The following ARHGAP29 variants were observed in gnomAD, a reference collection of about 807,000 sequenced individuals.
The protein encoded by ARHGAP29 is rho GTPase-activating protein 29.
ARHGAP29 carries 43 observed loss-of-function variants against 122.6 expected under a neutral mutation model. The ratio of observed to expected loss-of-function variants is 0.35; its 90% CI spans 0.27 to 0.45. ARHGAP29 has a LOEUF of 0.45. Among genes scored for constraint, ARHGAP29 ranks in the 20% least tolerant of loss-of-function variants. The pLI is 1.00. For synonymous variants in ARHGAP29, 506 were observed against 497.1 expected, an observed-to-expected ratio of 1.02 and a Z score of -0.24; for missense variants, 1,303 against 1,477.2, an observed-to-expected ratio of 0.88 and a Z score of 1.93.
the ARHGAP29 span, among the ~76,000 whole-genome samples, chr1:94,312,367 T>A: frequency 4.0e-5 from 6 of 150,904 alleles, no homozygotes; most frequent in African/African-American, 1.5e-4. Flanking sequence ...TTTTTTTTTT[T>A]TTTTTTTGAG....
In ARHGAP29 at chr1:94,220,355, T is replaced by A. The variant is rs769431878; in HGVS notation, c.243A>T (p.Glu81Asp). ...TTATAGACTTTAAAACACGGAGCAG[T>A]TCCTCTAGACGTATATGAATAACTT... is the stretch of plus-strand genomic sequence containing the variant. ...FKEVIHIRLEELLRVLKSIMN... is the reference protein window; with the variant it reads ...FKEVIHIRLEDLLRVLKSIMN... The change falls in exon 3 of 23, where the codon GAA becomes GAT. Residue 81 changes from glutamate to aspartate, a missense_variant. This residue lies in a region of ARHGAP29 where 592 missense variants were observed against 648.2 expected (regional missense o/e 0.91). Transcript: ENST00000260526. The A allele has an allele frequency of 2.5e-6, 4 of 1,610,190 alleles. No individual in the cohort carries two copies. The African/African-American group carries it at 4.0e-5, about 16-fold the overall frequency.
chr1:94,292,885 G>A, the ARHGAP29 span, among the ~76,000 whole-genome samples: 1 of 152,208 alleles, frequency 6.6e-6, no homozygotes, highest in Non-Finnish European at 1.5e-5. Context: ...CCTACTGGGA[G>A]GTGTCTCCCA....
At position 94,174,504 on chromosome 1, in the gene ARHGAP29, G is replaced by A. The variant is rs772591803; in HGVS notation, c.3151C>T (p.Pro1051Ser). The change falls in exon 23 of 23, where the codon CCT becomes TCT. Residue 1051 changes from proline (P) to serine (S), a missense_variant. By Grantham distance (74) the Pro-to-Ser change is moderately conservative (BLOSUM62 -1). This residue lies in a region of ARHGAP29 where 620 missense variants were observed against 651.2 expected (regional missense o/e 0.95). Coordinates refer to ENST00000260526, the MANE Select transcript of ARHGAP29 (RefSeq NM_004815.4). ...TTTCTATTAACTCCTTCAAAGGCAG[G>A]ATTCTTGCAAAACTTGTCTAAATTT... ...NVNLDKFCKN[P>S]AFEGVNRKDA... 6.2e-7 allele frequency: 1 copy of A among 1,614,152 alleles called. No individual in the cohort carries two copies. The highest frequency in any genetic ancestry group is 1.3e-5 in the African/African-American group (1 of 75,034).
intron 20 of ARHGAP29, among the ~76,000 whole-genome samples, chr1:94,178,702 G>A (rs559695884): frequency 6.6e-6 from 1 of 152,254 alleles, no homozygotes; most frequent in South Asian, 2.1e-4. Flanking sequence ...ATATCTAAAA[G>A]GCAAATCTGA....
intron 15 of ARHGAP29, among the ~76,000 whole-genome samples, chr1:94,187,080 T>C (rs941689446): frequency 6.6e-6 from 1 of 152,232 alleles, no homozygotes; most frequent in African/African-American, 2.4e-5. Context: ...TTTATGTTAC[T>C]GGCAAGACTG....
intron 1 of ARHGAP29, among the ~76,000 whole-genome samples, chr1:94,247,198 G>T (rs1653838749): frequency 6.6e-6 from 1 of 152,144 alleles, no homozygotes; most frequent in Non-Finnish European, 1.5e-5. Flanking sequence ...GAGACCCGGT[G>T]AAGAAAACCA....
chr1:94,286,962 A>G, the ARHGAP29 span, among the ~76,000 whole-genome samples: 3 of 152,084 alleles, frequency 2.0e-5, no homozygotes, highest in African/African-American at 7.2e-5. Context: ...TAGCATTACG[A>G]CACTATCAAC....
rs915174947 is a variant in ARHGAP29 at position 94,174,614 on chromosome 1, T to G, written c.3041A>C (p.Lys1014Thr). 6.2e-7 allele frequency: 1 copy of G among 1,614,136 alleles called. No individual in the cohort carries two copies. Among genetic ancestry groups the G allele is most frequent in the Non-Finnish European group, 8.5e-7 (1 of 1,180,028 alleles). ...NNVERHTPRT[K>T]IRPVSLPVDR... Reference sequence around the variant, plus strand: ...TACAGGCAAACTTACAGGTCTAATCTTGGTCCTTGGAGTATGCCTCTCCAC... The same window carrying G: ...TACAGGCAAACTTACAGGTCTAATCGTGGTCCTTGGAGTATGCCTCTCCAC... Residue 1014 changes from lysine (K) to threonine (T), a missense_variant, in exon 23 of 23, where the codon AAG (lysine) becomes ACG (threonine). Coordinates refer to ENST00000260526, the MANE Select transcript of ARHGAP29 (RefSeq NM_004815.4).
the ARHGAP29 span, among the ~76,000 whole-genome samples, chr1:94,310,138 T>G: frequency 6.6e-6 from 1 of 152,158 alleles, no homozygotes; most frequent in Non-Finnish European, 1.5e-5. Context: ...TCGGTACACA[T>G]GAGGTCCCCA....
intron 12 of ARHGAP29, chr1:94,195,759 C>T (rs1650414059): frequency 6.6e-6 from 1 of 151,574 alleles, no homozygotes; most frequent in Non-Finnish European, 1.5e-5. Context: ...CTCTATAATG[C>T]TATATAAGAA....
At chr1:94,279,206 G>C (rs1327906719), upstream of ARHGAP29, among the ~76,000 whole-genome samples, 4 of 152,160 alleles carry the variant, frequency 2.6e-5, no homozygotes, top group Non-Finnish European at 4.4e-5. Flanking sequence ...AGATCCTCCA[G>C]ATGGTTAATC....
chr1:94,260,224 C>G (rs531623334), intron 1 of ARHGAP29, among the ~76,000 whole-genome samples: 1 of 152,316 alleles, frequency 6.6e-6, no homozygotes, highest in East Asian at 1.9e-4. Flanking sequence ...TTTGCCCTGT[C>G]TATCTGAGGG....
At chr1:94,256,140 G>A (rs1223729809) in intron 1 of ARHGAP29, among the ~76,000 whole-genome samples, 1 of 152,130 alleles carries the variant, frequency 6.6e-6, no homozygotes. Context: ...AGAAGAGATT[G>A]AACTCAAAGC....
chr1:94,269,653 A>C (rs1328634364), intron 1 of ARHGAP29, among the ~76,000 whole-genome samples: 1 of 152,220 alleles, frequency 6.6e-6, no homozygotes, highest in East Asian at 1.9e-4. Context: ...CTCATAATTG[A>C]AGTAATGCAA....
chr1:94,199,088 T>A (rs1356072888), intron 12 of ARHGAP29, among the ~76,000 whole-genome samples: 9 of 151,912 alleles, frequency 5.9e-5, no homozygotes, highest in Admixed American at 5.9e-4. Context: ...CCGGGGCCTG[T>A]CGGGGGGCTG....
intron 1 of ARHGAP29, among the ~76,000 whole-genome samples, chr1:94,251,911 A>G (rs1286332019): frequency 1.3e-5 from 2 of 152,166 alleles, no homozygotes; most frequent in Non-Finnish European, 2.9e-5. Flanking sequence ...AGATTTTTTA[A>G]ATGTCCCCTT....
intron 5 of ARHGAP29, among the ~76,000 whole-genome samples, chr1:94,206,667 C>T (rs370962579): frequency 1.3e-5 from 2 of 152,088 alleles, no homozygotes; most frequent in Admixed American, 6.6e-5. Flanking sequence ...GAGACTGAGG[C>T]GGACGGATCA....
At position 94,208,902 on chromosome 1, in the gene ARHGAP29, AGG is replaced by A; in HGVS notation, c.438_439del (p.Leu147TyrfsTer11). 6.2e-7 allele frequency: 1 copy of A among 1,613,538 alleles called. No homozygotes were observed. The highest frequency in any genetic ancestry group is 8.5e-7 in the Non-Finnish European group (1 of 1,179,510). On this transcript the variant is annotated frameshift_variant and splice_region_variant, in exon 5 of 23. Transcript: ENST00000260526. LOFTEE classifies it high-confidence loss of function. Reference sequence around the variant, plus strand: ...TACATCTCCCATAAGGAAGTTTGTAAGGCTATCCAAGGAGGTTAAAAAAAGAA... The same window carrying A: ...TACATCTCCCATAAGGAAGTTTGTAACTATCCAAGGAGGTTAAAAAAAGAA...
At chr1:94,230,583 T>C (rs55961421) in intron 2 of ARHGAP29, among the ~76,000 whole-genome samples, 13,902 of 151,696 alleles carry the variant, frequency 0.092, 698 homozygotes, top group South Asian at 0.14. Context: ...AACTTATATA[T>C]ATACATAGAA....
Sources: allele counts gnomAD v4.1 joint callset (sites outside exome capture counted in the v4.1 genomes callset), GRCh38; gene constraint gnomAD v4.1.1; regional missense constraint gnomAD v4.1.1; transcripts MANE v1.5; gene names NCBI Gene and HGNC (gene_info 2026-07-23, HGNC 2026-07-21).